The following USP34 variants were observed in gnomAD, a reference collection of about 807,000 sequenced individuals.
USP34 encodes ubiquitin carboxyl-terminal hydrolase 34.
USP34 carries 70 observed loss-of-function variants against 460.3 expected under a neutral mutation model. The ratio of observed to expected loss-of-function variants is 0.15; its 90% CI spans 0.13 to 0.19. The LOEUF (loss-of-function observed/expected upper bound fraction) is 0.19. USP34 is among the 10% of genes least tolerant of loss of function. The probability of loss-of-function intolerance (pLI) is 1.00; values close to 1 mark genes in which losing one functional copy is unlikely to be tolerated. For missense variants in USP34, 3,985 were observed against 4,236.2 expected (o/e 0.94, Z 1.65); for synonymous variants, 1,647 against 1,405.3 (o/e 1.17, Z -3.85).
intron 1 of USP34, among the ~76,000 whole-genome samples, chr2:61,443,210 C>T (rs1224460985): frequency 2.0e-5 from 3 of 152,070 alleles, no homozygotes; most frequent in Non-Finnish European, 4.4e-5. Context: ...GAATAAGTTC[C>T]AGTGTTCTAC....
At chr2:61,314,485 T>C (rs980664374) in intron 25 of USP34, 100 bp downstream of exon 25, 3 of 1,097,316 alleles carry the variant, frequency 2.7e-6, no homozygotes, top group African/African-American at 3.2e-5. Context: ...GCTTTCTACT[T>C]GACCCCAACA....
At chr2:61,453,377 G>A (rs1695341309) in intron 1 of USP34, among the ~76,000 whole-genome samples, 2 of 151,618 alleles carry the variant, frequency 1.3e-5, no homozygotes, top group African/African-American at 2.4e-5. Context: ...TCACGCCACT[G>A]TACTCCAGCA....
intron 53 of USP34, among the ~76,000 whole-genome samples, chr2:61,240,655 C>T (rs1043592765): frequency 1.3e-5 from 2 of 149,908 alleles, no homozygotes; most frequent in Non-Finnish European, 3.0e-5. Context: ...TTCACTATAA[C>T]CTCCGCCTCT....
intron 41 of USP34, among the ~76,000 whole-genome samples, chr2:61,268,860 A>G (rs906623927): frequency 1.1e-4 from 16 of 152,208 alleles, no homozygotes; most frequent in Non-Finnish European, 2.4e-4. Context: ...GCATATATTC[A>G]GTAAAATTTC....
intron 1 of USP34, among the ~76,000 whole-genome samples, chr2:61,459,973 A>T (rs766457195): frequency 6.6e-6 from 1 of 152,074 alleles, no homozygotes; most frequent in Non-Finnish European, 1.5e-5. Flanking sequence ...GAGGGAGGAG[A>T]ATGGCGTCAA....
intron 53 of USP34, among the ~76,000 whole-genome samples, chr2:61,237,906 C>G (rs759478998): frequency 2.7e-5 from 4 of 150,436 alleles, no homozygotes; most frequent in Non-Finnish European, 5.9e-5. Flanking sequence ...TTTTTCTTTT[C>G]TTTTTTTTGA....
At chr2:61,466,620 A>C (rs1264646717) in intron 1 of USP34, among the ~76,000 whole-genome samples, 1 of 152,156 alleles carries the variant, frequency 6.6e-6, no homozygotes, top group East Asian at 1.9e-4. Flanking sequence ...TTTTTTAAAC[A>C]AAATTTTTAG....
At position 61,459,232 on chromosome 2, in the gene USP34, A is replaced by T. The variant is rs60056397; in HGVS notation, c.43+11418T>A. Among the ~76,000 whole-genome samples the T allele has an allele frequency of 2.6e-5, 4 of 152,158 alleles. No individual in the cohort carries two copies. In the South Asian group the frequency reaches 8.3e-4, roughly 32 times the overall value. ...ATAGCTTGGTTAGTGAAAAGTACAG[A>T]GAAGAAATAAGCACAACTAAATTCT... On this transcript the variant is annotated intron_variant, in intron 1 of 79. Transcript: ENST00000398571.
chr2:61,390,177 T>C (rs1693298714), intron 5 of USP34, among the ~76,000 whole-genome samples: 1 of 152,246 alleles, frequency 6.6e-6, no homozygotes. Flanking sequence ...TTTTTATTAA[T>C]CCTCATTTGC....
intron 5 of USP34, among the ~76,000 whole-genome samples, chr2:61,390,260 ATGTATGAAAT>A (rs1693301625): frequency 6.6e-6 from 1 of 152,226 alleles, no homozygotes; most frequent in South Asian, 2.1e-4. Flanking sequence ...AAAAGGTGTT[ATGTATGAAAT>A]GACAAACTCT....
intron 10 of USP34, among the ~76,000 whole-genome samples, chr2:61,364,905 G>C (rs1692384442): frequency 6.6e-6 from 1 of 151,776 alleles, no homozygotes; most frequent in Admixed American, 6.6e-5. Flanking sequence ...ACTCCAGCCT[G>C]GGCAACAGAG....
chr2:61,317,224 T>C (rs1229581933), intron 23 of USP34, among the ~76,000 whole-genome samples: 1 of 152,096 alleles, frequency 6.6e-6, no homozygotes, highest in African/African-American at 2.4e-5. Flanking sequence ...ATAAAACTTT[T>C]GAAACCAGAG....
At position 61,405,889 on chromosome 2, in the gene USP34, T is replaced by C. The variant is rs1443686784; in HGVS notation, c.371A>G (p.Lys124Arg). 6.2e-7 allele frequency: 1 copy of C among 1,613,806 alleles called. No homozygotes were observed. The highest frequency in any genetic ancestry group is 1.1e-5 in the South Asian group (1 of 91,048). The change falls in exon 3 of 80, where the codon AAA becomes AGA. Residue 124 changes from lysine (K) to arginine (R), a missense_variant. By Grantham distance (26) the Lys-to-Arg change is conservative (BLOSUM62 2). Coordinates refer to ENST00000398571, the MANE Select transcript of USP34 (RefSeq NM_014709.4). ...GSTERQKSIEKKSNSTRICNL... is the reference protein window; with the variant it reads ...GSTERQKSIERKSNSTRICNL... Reference sequence around the variant, plus strand: ...ACAAATTCTTGTAGAGTTTGATTTTTTTTCTATTGATTTTTGTCTTTCTGT... The same window carrying C: ...ACAAATTCTTGTAGAGTTTGATTTTCTTTCTATTGATTTTTGTCTTTCTGT...
chr2:61,297,373 G>A (rs1184434304), intron 29 of USP34, among the ~76,000 whole-genome samples: 1 of 152,218 alleles, frequency 6.6e-6, no homozygotes, highest in Non-Finnish European at 1.5e-5. Context: ...TCATTTTCCA[G>A]TCTCAGATGA....
Position 61,205,591 on chromosome 2 carries a change from G to A in USP34, c.9154+426C>T, listed in dbSNP as rs115475013. Among the ~76,000 whole-genome samples, 1,340 of 152,254 alleles carry A rather than the reference G, an allele frequency of 8.8e-3. 21 individuals carry two copies. The highest frequency in any genetic ancestry group is 0.031 in the African/African-American group (1,282 of 41,536). ...CAAATTAGCATTTTATTATAAATAT[G>A]CAATCAATAAAAAGATGCAATACTC... On this transcript the variant is annotated intron_variant, in intron 72 of 79. Transcript: ENST00000398571.
rs192958280 is a variant in USP34, at chr2:61,453,176, C to T, written c.43+17474G>A. Among the ~76,000 whole-genome samples, 8 of 152,118 alleles carry T rather than the reference C, an allele frequency of 5.3e-5. No individual in the cohort carries two copies. In the East Asian group the frequency reaches 1.4e-3, roughly 26 times the overall value. ...CTATAATCCCAGCACTTAGGGAGGCCGAAGCGGGTGGATTGCTAGAGCCCA... is the reference window on the plus strand; with the variant it reads ...CTATAATCCCAGCACTTAGGGAGGCTGAAGCGGGTGGATTGCTAGAGCCCA... On this transcript the variant is annotated intron_variant, in intron 1 of 79. Transcript: ENST00000398571.
chr2:61,353,417 A>G (rs1396477761), intron 10 of USP34, among the ~76,000 whole-genome samples: 1 of 146,568 alleles, frequency 6.8e-6, no homozygotes, highest in Non-Finnish European at 1.5e-5. Flanking sequence ...TTTTTGAGAC[A>G]GTCTTGCTCT....
intron 41 of USP34, chr2:61,277,629 T>C (rs1689410037): frequency 6.6e-6 from 1 of 152,424 alleles, no homozygotes; most frequent in African/African-American, 2.4e-5. Context: ...CAGAATTCAA[T>C]TTATTCAAAA....
intron 1 of USP34, among the ~76,000 whole-genome samples, chr2:61,447,518 C>T (rs902438179): frequency 2.6e-5 from 4 of 152,120 alleles, no homozygotes; most frequent in Admixed American, 6.6e-5. Flanking sequence ...GAGTCCATCA[C>T]ACTTTCAAAC....
Sources: gnomAD v4.1 joint callset for allele counts (sites outside exome capture counted in the v4.1 genomes callset) on GRCh38, gnomAD v4.1.1 for gene constraint, MANE v1.5 for transcripts, NCBI Gene and HGNC (gene_info 2026-07-23, HGNC 2026-07-21) for gene names.